GTF2I: variants seen among roughly 807,000 people sequenced by gnomAD.
The protein encoded by GTF2I is general transcription factor IIi.
GTF2I carries 12 observed loss-of-function variants against 67.6 expected under a neutral mutation model. That is an observed-to-expected ratio of 0.18 (90% confidence interval 0.11 to 0.29). The LOEUF is 0.29. Ranked by LOEUF, GTF2I falls within the 10% of genes least tolerant of loss-of-function variation. The pLI is 1.00. For missense variants in GTF2I, 271 were observed against 580.1 expected, an observed-to-expected ratio of 0.47 and a Z score of 5.47; for synonymous variants, 149 against 197.0, an observed-to-expected ratio of 0.76 and a Z score of 2.04.
At chr7:74,694,528 A>C (rs1788693708) in intron 3 of GTF2I, among the ~76,000 whole-genome samples, 1 of 152,188 alleles carries the variant, frequency 6.6e-6, no homozygotes, top group South Asian at 2.1e-4. Context: ...CGGAGGTTGC[A>C]GTGAGCTGAG....
intron 1 of GTF2I, among the ~76,000 whole-genome samples, chr7:74,666,293 C>T (rs1028881915): frequency 6.6e-6 from 1 of 151,950 alleles, no homozygotes; most frequent in Non-Finnish European, 1.5e-5. Flanking sequence ...GTTTTCAGAC[C>T]GTAATTGGTT....
chr7:74,712,423 C>T (rs1015361209), intron 9 of GTF2I, among the ~76,000 whole-genome samples: 2 of 151,294 alleles, frequency 1.3e-5, no homozygotes, highest in Admixed American at 6.6e-5. Context: ...TAACCATGAT[C>T]TTGAAAACTG....
intron 6 of GTF2I, among the ~76,000 whole-genome samples, 155 bp downstream of exon 6, chr7:74,700,789 C>T (rs1271758145): frequency 2.0e-5 from 3 of 152,202 alleles, no homozygotes; most frequent in Non-Finnish European, 4.4e-5. Flanking sequence ...ACAAAAGGTT[C>T]ATTGAGCTAA....
intron 6 of GTF2I, among the ~76,000 whole-genome samples, chr7:74,704,073 G>A (rs140495017): frequency 1.3e-5 from 2 of 152,134 alleles, no homozygotes; most frequent in African/African-American, 4.8e-5. Context: ...GCTCTGACTA[G>A]AATATAAATG....
At chr7:74,713,370 A>G (rs773430790) in intron 9 of GTF2I, among the ~76,000 whole-genome samples, 5 of 152,204 alleles carry the variant, frequency 3.3e-5, no homozygotes, top group Non-Finnish European at 5.9e-5. Flanking sequence ...ATGTACAGTC[A>G]TGTGGGAGAT....
At chr7:74,718,708 C>G (rs1792566096) in intron 11 of GTF2I, among the ~76,000 whole-genome samples, 171 bp from the exon 12 acceptor site, 1 of 151,874 alleles carries the variant, frequency 6.6e-6, no homozygotes, top group African/African-American at 2.4e-5. Context: ...TTCTTTTATC[C>G]CTATTTATAA....
At chr7:74,721,268 T>C (rs1792956063) in intron 12 of GTF2I, among the ~76,000 whole-genome samples, 1 of 152,218 alleles carries the variant, frequency 6.6e-6, no homozygotes, top group South Asian at 2.1e-4. Context: ...CTCGAACTCC[T>C]GACCTCAGGT....
chr7:74,731,434 A>G (rs1418501768), intron 14 of GTF2I, among the ~76,000 whole-genome samples: 1 of 146,734 alleles, frequency 6.8e-6, no homozygotes, highest in Non-Finnish European at 1.5e-5. Flanking sequence ...TTTGCTAATG[A>G]ATTCAGTAAC....
chr7:74,731,524 G>A (rs1433275498), intron 14 of GTF2I, among the ~76,000 whole-genome samples: 2 of 139,770 alleles, frequency 1.4e-5, no homozygotes, highest in African/African-American at 5.3e-5. Context: ...TTTTTTGCCC[G>A]TGGTTTTTTG....
chr7:74,719,893 C>T (rs1554404248), intron 12 of GTF2I, among the ~76,000 whole-genome samples: 1 of 151,972 alleles, frequency 6.6e-6, no homozygotes, highest in African/African-American at 2.4e-5. Context: ...GCACTACAGC[C>T]TGGGCGACAG....
At chr7:74,724,565 G>A (rs1554405281) in intron 12 of GTF2I, among the ~76,000 whole-genome samples, 3 of 152,092 alleles carry the variant, frequency 2.0e-5, no homozygotes, top group South Asian at 4.1e-4. Context: ...AGGTATTGGC[G>A]GAGTGCTTTT....
At chr7:74,666,363 G>C (rs1364814045) in intron 1 of GTF2I, among the ~76,000 whole-genome samples, 1 of 152,110 alleles carries the variant, frequency 6.6e-6, no homozygotes, top group Non-Finnish European at 1.5e-5. Flanking sequence ...TTTGGCATTA[G>C]ACTTTAATGC....
At chr7:74,672,503 G>A (rs928880849) in intron 1 of GTF2I, among the ~76,000 whole-genome samples, 2 of 151,916 alleles carry the variant, frequency 1.3e-5, no homozygotes, top group Non-Finnish European at 2.9e-5. Flanking sequence ...TCGTGCCACT[G>A]TACTCCGGCC....
intron 1 of GTF2I, among the ~76,000 whole-genome samples, chr7:74,684,202 A>G (rs1787496822): frequency 6.6e-6 from 1 of 152,236 alleles, no homozygotes; most frequent in African/African-American, 2.4e-5. Context: ...TTATTATACA[A>G]GATGGCCAAT....
intron 6 of GTF2I, among the ~76,000 whole-genome samples, chr7:74,704,268 T>TTTTTTTTATTTA (rs1554400661): frequency 5.5e-5 from 8 of 144,310 alleles, no homozygotes; most frequent in Admixed American, 1.4e-4. Context: ...TAATTATTAT[T>TTTTTTTTATTTA]TTTATTTATT....
chr7:74,664,729 G>C (rs1474237549), intron 1 of GTF2I, among the ~76,000 whole-genome samples: 1 of 151,396 alleles, frequency 6.6e-6, no homozygotes, highest in African/African-American at 2.4e-5. Flanking sequence ...CACCACGCCT[G>C]GCCAACACTC....
intron 1 of GTF2I, among the ~76,000 whole-genome samples, chr7:74,665,415 C>G (rs1804890507): frequency 6.6e-6 from 1 of 151,928 alleles, no homozygotes; most frequent in African/African-American, 2.4e-5. Flanking sequence ...CCACACCTGG[C>G]TAATTTTTGT....
chr7:74,717,353 AT>A (rs1792388386), intron 11 of GTF2I, among the ~76,000 whole-genome samples: 1 of 152,146 alleles, frequency 6.6e-6, no homozygotes, highest in African/African-American at 2.4e-5. Context: ...TAGGGTAGGA[AT>A]TTAGTCTACA....
chr7:74,700,797 T>TA (rs1554399691), intron 6 of GTF2I, among the ~76,000 whole-genome samples, 163 bp downstream of exon 6: 1 of 152,258 alleles, frequency 6.6e-6, no homozygotes, highest in Non-Finnish European at 1.5e-5. Flanking sequence ...TTCATTGAGC[T>TA]AAAAAAGTGG....
Sources: gnomAD v4.1 joint callset for allele counts (sites outside exome capture counted in the v4.1 genomes callset) on GRCh38, gnomAD v4.1.1 for gene constraint, MANE v1.5 for transcripts, NCBI Gene and HGNC (gene_info 2026-07-23, HGNC 2026-07-21) for gene names.